The following UHRF2 variants were observed in gnomAD, a reference collection of about 807,000 sequenced individuals.
The protein encoded by UHRF2 is E3 ubiquitin-protein ligase UHRF2.
Under a neutral mutation model 96.8 loss-of-function variants are expected in UHRF2, and 23 were observed. The ratio of observed to expected loss-of-function variants is 0.24; its 90% confidence interval spans 0.17 to 0.34. The LOEUF (loss-of-function observed/expected upper bound fraction) is 0.34, where lower values mean the gene tolerates loss of function less well. Among genes scored for constraint, UHRF2 ranks in the 10% least tolerant of loss-of-function variants. The pLI is 1.00. For synonymous variants in UHRF2, 385 were observed against 332.6 expected, an observed-to-expected ratio of 1.16 and a Z score of -1.72; for missense variants, 685 against 981.5, an observed-to-expected ratio of 0.70 and a Z score of 4.04.
chr9:6,431,114 A>G (rs1007160444), intron 2 of UHRF2, among the ~76,000 whole-genome samples: 3 of 152,188 alleles, frequency 2.0e-5, no homozygotes, highest in Non-Finnish European at 4.4e-5. Context: ...CTGCCTTTAA[A>G]ATCCAGGCTT....
rs775459984 is a variant in UHRF2 at position 6,504,705 on chromosome 9, C to G, written c.2262+14C>G. ...AATGTCTGTAAAGTAAGTAGAATTC[C>G]TTCCTCACTTTCCCTGTTAGGTATG... is the stretch of plus-strand genomic sequence containing the variant. On this transcript the variant is annotated intron_variant, in intron 15 of 15. Coordinates refer to ENST00000276893, the MANE Select transcript of UHRF2 (RefSeq NM_152896.3). 5.6e-6 allele frequency: 9 copies of G among 1,595,420 alleles called. No individual in the cohort carries two copies. In the South Asian group the frequency reaches 1.0e-4, roughly 18 times the overall value.
chr9:6,490,093 G>A (rs1256615882), intron 9 of UHRF2, among the ~76,000 whole-genome samples: 2 of 152,156 alleles, frequency 1.3e-5, no homozygotes, highest in African/African-American at 4.8e-5. Flanking sequence ...AAACCAACTA[G>A]AAATGTAGTC....
At chr9:6,479,955 A>T (rs1420418258) in intron 6 of UHRF2, among the ~76,000 whole-genome samples, 1 of 152,214 alleles carries the variant, frequency 6.6e-6, no homozygotes, top group Non-Finnish European at 1.5e-5. Flanking sequence ...TAGCAGCAGA[A>T]TGAGCTTAAA....
chr9:6,488,184 A>T (rs1824422918), intron 9 of UHRF2, among the ~76,000 whole-genome samples: 1 of 141,866 alleles, frequency 7.0e-6, no homozygotes, highest in Non-Finnish European at 1.5e-5. Context: ...TCGAGGCTGT[A>T]GTGAGCCATG....
intron 3 of UHRF2, among the ~76,000 whole-genome samples, chr9:6,458,794 ACAG>A (rs1057018070): frequency 6.6e-6 from 1 of 152,238 alleles, no homozygotes; most frequent in African/African-American, 2.4e-5. Flanking sequence ...ACTGTTCACA[ACAG>A]CAAAGACTTG....
At chr9:6,492,628 G>A (rs1417549790) in intron 9 of UHRF2, 1 of 152,862 alleles carries the variant, frequency 6.5e-6, no homozygotes. Flanking sequence ...TACGAATTTA[G>A]TAGACACAAA....
At chr9:6,465,160 CAT>C (rs1401586960) in intron 4 of UHRF2, among the ~76,000 whole-genome samples, 3 of 152,054 alleles carry the variant, frequency 2.0e-5, no homozygotes, top group South Asian at 2.1e-4. Flanking sequence ...CAAGAGAAAA[CAT>C]ATAAAATTTC....
Position 6,413,411 on chromosome 9 carries a change from A to G in UHRF2, c.-80A>G. The G allele has an allele frequency of 7.9e-7, 1 of 1,270,292 alleles. No homozygotes were observed. Among genetic ancestry groups the G allele is most frequent in the East Asian group, 3.1e-5 (1 of 32,562 alleles). 78.7% of individuals were successfully genotyped at this position (1,270,292 alleles called of 1,614,324 possible). ...CCGCTGAGGGCCCGAGCCGCAGGGAAAGCGGCGCGGGCCGGGCGGGGCGCG... is the reference window on the plus strand; with the variant it reads ...CCGCTGAGGGCCCGAGCCGCAGGGAGAGCGGCGCGGGCCGGGCGGGGCGCG... On this transcript the variant is annotated 5_prime_UTR_variant, in exon 1 of 16. Transcript: ENST00000276893.
At chr9:6,505,038 G>A (rs930612497) in intron 15 of UHRF2, among the ~76,000 whole-genome samples, 23 of 152,080 alleles carry the variant, frequency 1.5e-4, no homozygotes, top group African/African-American at 5.6e-4. Flanking sequence ...ATATAAAACA[G>A]TTTATACCTA....
Position 6,497,166 on chromosome 9 carries a change from C to T in UHRF2, c.1605-32C>T, listed in dbSNP as rs561525569. 4.6e-5 allele frequency: 73 copies of T among 1,591,792 alleles called. 1 individual carries two copies. The East Asian group carries it at 1.5e-3, about 32-fold the overall frequency. On this transcript the variant is annotated intron_variant, in intron 10 of 15. Coordinates refer to ENST00000276893, the MANE Select transcript of UHRF2 (RefSeq NM_152896.3). ...CGATTGTGTACTTGAAGAAAAATTA[C>T]ATGGTATAAAGACTTCTTTGTTGTT...
intron 2 of UHRF2, among the ~76,000 whole-genome samples, chr9:6,432,131 C>T (rs1344279813): frequency 6.6e-6 from 1 of 152,154 alleles, no homozygotes; most frequent in South Asian, 2.1e-4. Flanking sequence ...TAATGTATAA[C>T]ATGCTCCATC....
intron 9 of UHRF2, among the ~76,000 whole-genome samples, chr9:6,493,321 T>G (rs1054552877): frequency 2.6e-5 from 4 of 152,054 alleles, no homozygotes; most frequent in African/African-American, 9.7e-5. Flanking sequence ...AAGGTGAAGT[T>G]TTTAGGTAAA....
intron 3 of UHRF2, 89 bp downstream of exon 3, chr9:6,434,262 T>C (rs1587785321): frequency 1.3e-5 from 18 of 1,426,060 alleles, no homozygotes; most frequent in Middle Eastern, 2.4e-4. Context: ...AAATAGTCTT[T>C]CTGAAGAAAT....
chr9:6,479,810 C>G (rs990292268), intron 6 of UHRF2, among the ~76,000 whole-genome samples: 2 of 152,182 alleles, frequency 1.3e-5, no homozygotes, highest in Non-Finnish European at 1.5e-5. Context: ...TTCACATACT[C>G]TACCTCAATA....
intron 3 of UHRF2, among the ~76,000 whole-genome samples, chr9:6,442,623 T>C (rs535230085): frequency 6.6e-6 from 1 of 150,722 alleles, no homozygotes; most frequent in South Asian, 2.1e-4. Context: ...GGACCACAGG[T>C]GCACACCACT....
At chr9:6,502,533 C>A (rs559745915) in intron 14 of UHRF2, among the ~76,000 whole-genome samples, 35 of 152,182 alleles carry the variant, frequency 2.3e-4, no homozygotes, top group Non-Finnish European at 4.4e-4. Flanking sequence ...GGCAATCCTC[C>A]CGCTTCAGCC....
Position 6,489,820 on chromosome 9 carries a change from G to A in UHRF2, c.1497+2895G>A, listed in dbSNP as rs974371118. The stretch of plus-strand genomic sequence containing the variant: ...TTGTTACAAAGATGAATCAATATGA[G>A]TAGTTATGGAGAGAGAACACAAAAT... On this transcript the variant is annotated intron_variant, in intron 9 of 15. Transcript: ENST00000276893. Among the ~76,000 whole-genome samples the A allele has an allele frequency of 4.0e-4, 60 of 150,872 alleles. No individual in the cohort carries two copies. The East Asian group carries it at 7.2e-3, about 18-fold the overall frequency.
At chr9:6,427,079 T>C (rs1820304145) in intron 2 of UHRF2, among the ~76,000 whole-genome samples, 1 of 152,156 alleles carries the variant, frequency 6.6e-6, no homozygotes, top group African/African-American at 2.4e-5. Flanking sequence ...TGCATTGGGT[T>C]TTTTGTATTT....
At chr9:6,494,102 T>C in intron 10 of UHRF2, 170 bp downstream of exon 10, 2 of 549,390 alleles carry the variant, frequency 3.6e-6, no homozygotes, top group Non-Finnish European at 3.1e-6. Context: ...CTAACATATC[T>C]TTATACTGTT....
Sources: allele counts gnomAD v4.1 joint callset (sites outside exome capture counted in the v4.1 genomes callset), GRCh38; gene constraint gnomAD v4.1.1; transcripts MANE v1.5; gene names NCBI Gene and HGNC (gene_info 2026-07-23, HGNC 2026-07-21).